GRAP: variants seen among roughly 807,000 people sequenced by gnomAD.
The protein encoded by GRAP is GRB2 related adaptor protein.
GRAP carries 2 observed loss-of-function variants against 9.1 expected under a neutral mutation model. The ratio of observed to expected loss-of-function variants is 0.22; its 90% CI spans 0.09 to 0.69. GRAP has a LOEUF of 0.69. Among genes scored for constraint, GRAP ranks in the 30% least tolerant of loss-of-function variants. GRAP has a pLI of 0.81. For missense variants in GRAP, 113 were observed against 179.4 expected, an observed-to-expected ratio of 0.63 and a Z score of 2.12; for synonymous variants, 68 against 73.6, an observed-to-expected ratio of 0.92 and a Z score of 0.39.
rs1389179921 is a variant in GRAP, at chr17:19,020,823, C to T, written c.*1136G>A. The T allele has an allele frequency of 4.9e-6, 1 of 204,318 alleles. No individual in the cohort carries two copies. Among genetic ancestry groups the T allele is most frequent in the African/African-American group, 2.3e-5 (1 of 43,470 alleles). 12.7% of individuals were successfully genotyped at this position (204,318 alleles called of 1,614,324 possible). A position where few individuals can be genotyped will look rare whatever the true frequency, so the allele number is the denominator to read the frequency against. ...AGAGCCCCACATGCCCAGAGCAAGGCCCCCCATTAAGGGACTGCAGCCACC... is the reference window on the plus strand; with the variant it reads ...AGAGCCCCACATGCCCAGAGCAAGGTCCCCCATTAAGGGACTGCAGCCACC... On this transcript the variant is annotated 3_prime_UTR_variant, in exon 5 of 5. Coordinates refer to ENST00000284154, the MANE Select transcript of GRAP (RefSeq NM_006613.4).
chr17:19,043,948 CTTTTTTCTTTTT>C (rs1418444585), intron 1 of GRAP, among the ~76,000 whole-genome samples: 1 of 144,522 alleles, frequency 6.9e-6, no homozygotes, highest in Non-Finnish European at 1.5e-5. Flanking sequence ...ATTTCTTTTT[CTTTTTTCTTTTT>C]TTTTTTCTTT....
At position 19,027,468 on chromosome 17, in the gene GRAP, ATGCGCGCGCGCG is replaced by A. The variant is rs1448875643; in HGVS notation, c.300-3097_300-3086del. On this transcript the variant is annotated intron_variant, in intron 3 of 4. Coordinates refer to ENST00000284154, the MANE Select transcript of GRAP (RefSeq NM_006613.4). ...AGCACTTGATGCCTTGATGGGACACATGCGCGCGCGCGCGCGCACACACACACACACACACAC... is the reference window on the plus strand; with the variant it reads ...AGCACTTGATGCCTTGATGGGACACACGCGCACACACACACACACACACAC... 2.8e-5 allele frequency among the ~76,000 whole-genome samples: 3 copies of A among 107,994 alleles called. 1 individual carries two copies. Among genetic ancestry groups the A allele is most frequent in the African/African-American group, 1.2e-4 (3 of 25,962 alleles). 70.8% of individuals were successfully genotyped at this position (107,994 alleles called of 152,430 possible). A position where few individuals can be genotyped will look rare whatever the true frequency, so the allele number is the denominator to read the frequency against.
At position 19,022,089 on chromosome 17, in the gene GRAP, G is replaced by C; in HGVS notation, c.524C>G (p.Ser175Trp). The change falls in exon 5 of 5, where the codon TCG becomes TGG. Residue 175 changes from serine (S) to tryptophan (W), a missense_variant. Ser to Trp is a radical substitution (Grantham distance 177, BLOSUM62 -3). Coordinates refer to ENST00000284154, the MANE Select transcript of GRAP (RefSeq NM_006613.4). ...AQFDFSAQDP[S>W]QLSFRRGDII... ...GTCGCCACGGCGGAAGCTGAGCTGC[G>C]AGGGGTCCTGGGCTGAGAAGTCAAA... The C allele has an allele frequency of 1.3e-6, 2 of 1,587,486 alleles. No homozygotes were observed. The highest frequency in any genetic ancestry group is 2.3e-5 in the South Asian group (2 of 86,798).
intron 4 of GRAP, among the ~76,000 whole-genome samples, chr17:19,023,658 C>T (rs528684420): frequency 0.017 from 2,355 of 134,918 alleles, 26 homozygotes; most frequent in Non-Finnish European, 0.025. Context: ...CCCCACCCCG[C>T]GGCTTGCCAG....
intron 3 of GRAP, chr17:19,031,628 TAAAA>T (rs1193075558): frequency 7.2e-6 from 1 of 138,904 alleles, no homozygotes; most frequent in African/African-American, 2.6e-5. Context: ...CCAGTCATCA[TAAAA>T]AACACGTTAC....
Position 19,020,688 on chromosome 17 carries a change from C to T in GRAP, c.*1271G>A, listed in dbSNP as rs1222259531. 1.9e-6 allele frequency: 1 copy of T among 534,352 alleles called. No homozygotes were observed. Among genetic ancestry groups the T allele is most frequent in the Admixed American group, 3.2e-5 (1 of 31,656 alleles). 33.1% of individuals were successfully genotyped at this position (534,352 alleles called of 1,614,324 possible). On this transcript the variant is annotated 3_prime_UTR_variant, in exon 5 of 5. Coordinates refer to ENST00000284154, the MANE Select transcript of GRAP (RefSeq NM_006613.4). ...GAAAATTAGATTTCTGACGGACATC[C>T]TGATGTTGGTTTTACTGTTTTCGTT...
Position 19,020,724 on chromosome 17 carries a change from A to C in GRAP, c.*1235T>G, listed in dbSNP as rs368323315. ...TTTACTGTTTTCGTTTTGAATACAC[A>C]GGCTGGGTCAGGAGCAGTGAGATTT... On this transcript the variant is annotated 3_prime_UTR_variant, in exon 5 of 5. Coordinates refer to ENST00000284154, the MANE Select transcript of GRAP (RefSeq NM_006613.4). 2 of 419,570 alleles carry C rather than the reference A, an allele frequency of 4.8e-6. No individual in the cohort carries two copies. The highest frequency in any genetic ancestry group is 4.7e-5 in the South Asian group (2 of 42,528). 26.0% of individuals were successfully genotyped at this position (419,570 alleles called of 1,614,324 possible). A position where few individuals can be genotyped will look rare whatever the true frequency, so the allele number is the denominator to read the frequency against.
intron 3 of GRAP, among the ~76,000 whole-genome samples, chr17:19,027,442 A>C (rs1183143408): frequency 6.9e-6 from 1 of 144,122 alleles, no homozygotes; most frequent in African/African-American, 2.5e-5. Flanking sequence ...CACCAGTCCA[A>C]AGCACTTGAT....
At chr17:19,040,882 T>C (rs1296551645) in intron 2 of GRAP, among the ~76,000 whole-genome samples, 1 of 100,726 alleles carries the variant, frequency 9.9e-6, no homozygotes, top group Non-Finnish European at 1.6e-5. Context: ...AAAATCTCAC[T>C]CATTGCCACC....
chr17:19,027,577 A>G (rs1423734353), intron 3 of GRAP, among the ~76,000 whole-genome samples: 5 of 136,836 alleles, frequency 3.7e-5, no homozygotes, highest in Admixed American at 7.5e-5. Context: ...ATTTGGTCGC[A>G]ATACATTTGC....
rs769570810 is a variant in GRAP, at chr17:19,022,003, C to G, written c.610G>C (p.Val204Leu). The G allele has an allele frequency of 6.3e-7, 1 of 1,591,430 alleles. No individual in the cohort carries two copies. Among genetic ancestry groups the G allele is most frequent in the East Asian group, 2.3e-5 (1 of 43,622 alleles). The change falls in exon 5 of 5, where the codon GTT (valine) becomes CTT (leucine). Residue 204 changes from valine (V) to leucine (L), a missense_variant. Physicochemically the swap from Val to Leu is conservative, Grantham distance 32. Coordinates refer to ENST00000284154, the MANE Select transcript of GRAP (RefSeq NM_006613.4). ...ACGTAACTCCGTGGGAAGAAGCCAA[C>G]GCGCCCGCAGGACCGGCCCCGCCAC... is the stretch of plus-strand genomic sequence containing the variant. The part of the protein sequence containing the change: ...HWWRGRSCGR[V>L]GFFPRSYVQP...
chr17:19,021,331 C>T lies in GRAP; in HGVS notation c.*628G>A, dbSNP rs111636163. On this transcript the variant is annotated 3_prime_UTR_variant, in exon 5 of 5. Coordinates refer to ENST00000284154, the MANE Select transcript of GRAP (RefSeq NM_006613.4). This position sits in a 1 kb window ranked among gnomAD's most constrained non-coding sequence, Gnocchi z 4.1. ...GTGTGCCTCCACCTTCCCTACTGCCCGCCCCTTTTTCAGGGTCTTAGGGCC... is the reference window on the plus strand; with the variant it reads ...GTGTGCCTCCACCTTCCCTACTGCCTGCCCCTTTTTCAGGGTCTTAGGGCC... 220 of 153,478 alleles carry T rather than the reference C, an allele frequency of 1.4e-3. No homozygotes were observed. Among genetic ancestry groups the T allele is most frequent in the Non-Finnish European group, 2.2e-3 (150 of 68,866 alleles). 9.5% of individuals were successfully genotyped at this position (153,478 alleles called of 1,614,324 possible).
At chr17:19,025,663 A>C (rs2044310042) in intron 3 of GRAP, among the ~76,000 whole-genome samples, 5 of 132,170 alleles carry the variant, frequency 3.8e-5, no homozygotes, top group African/African-American at 1.2e-4. Context: ...CCCAGGCTAG[A>C]GTGCAATGGC....
chr17:19,027,469 T>TGCGC lies in GRAP; in HGVS notation c.300-3090_300-3087dup, dbSNP rs756824381. ...GCACTTGATGCCTTGATGGGACACA[T>TGCGC]GCGCGCGCGCGCGCGCACACACACA... On this transcript the variant is annotated intron_variant, in intron 3 of 4. Coordinates refer to ENST00000284154, the MANE Select transcript of GRAP (RefSeq NM_006613.4). 1.2e-3 allele frequency among the ~76,000 whole-genome samples: 147 copies of TGCGC among 125,778 alleles called. 1 individual carries two copies. The highest frequency in any genetic ancestry group is 7.2e-3 in the Admixed American group (84 of 11,676). The allele number at this position is 125,778 out of a possible 152,430, so 82.5% of individuals were successfully genotyped here.
At chr17:19,025,621 T>C (rs370056643) in intron 3 of GRAP, among the ~76,000 whole-genome samples, 1 of 139,674 alleles carries the variant, frequency 7.2e-6, no homozygotes, top group African/African-American at 2.7e-5. Flanking sequence ...TTTCTTTTTT[T>C]TTTTTTTTTG....
At chr17:19,023,684 C>A (rs907157809) in intron 4 of GRAP, among the ~76,000 whole-genome samples, 2 of 140,014 alleles carry the variant, frequency 1.4e-5, no homozygotes, top group Non-Finnish European at 3.1e-5. Context: ...CGCCCACCAG[C>A]ACTCATGCTG....
rs1035364717 is a variant in GRAP at position 19,024,933 on chromosome 17, C to T, written c.300-550G>A. ...GAGCTCAGACCTGTTGAATGTCTCA[C>T]GTCCTCCCCCTCCCATGAACCTTCC... is the stretch of plus-strand genomic sequence containing the variant. On this transcript the variant is annotated intron_variant, in intron 3 of 4. Transcript: ENST00000284154. The surrounding 1 kb of genome is among the most constrained non-coding windows in gnomAD (Gnocchi z 4.2). Among the ~76,000 whole-genome samples, 14 of 152,270 alleles carry T rather than the reference C, an allele frequency of 9.2e-5. No homozygotes were observed. Among genetic ancestry groups the T allele is most frequent in the African/African-American group, 3.1e-4 (13 of 41,556 alleles).
In GRAP at chr17:19,021,226, C is replaced by T. The variant is rs2044260824; in HGVS notation, c.*733G>A. ...TGGGCAGAACCTGGGCCTAAACAAA[C>T]AAGAGCCAGGGCAGCCAGGGTCTCT... On this transcript the variant is annotated 3_prime_UTR_variant, in exon 5 of 5. Coordinates refer to ENST00000284154, the MANE Select transcript of GRAP (RefSeq NM_006613.4). The surrounding 1 kb of genome is among the most constrained non-coding windows in gnomAD (Gnocchi z 4.1). 1 of 152,308 alleles carries T rather than the reference C, an allele frequency of 6.6e-6. No homozygotes were observed. Among genetic ancestry groups the T allele is most frequent in the Admixed American group, 6.5e-5 (1 of 15,290 alleles). The allele number at this position is 152,308 out of a possible 1,614,324, so 9.4% of individuals were successfully genotyped here. A position where few individuals can be genotyped will look rare whatever the true frequency, so the allele number is the denominator to read the frequency against.
chr17:19,023,630 G>A (rs2074277), intron 4 of GRAP, among the ~76,000 whole-genome samples: 6,247 of 79,456 alleles, frequency 0.079, 448 homozygotes, highest in South Asian at 0.36. Context: ...GGATGACCCC[G>A]ACCCCCCACC....
Sources: allele counts gnomAD v4.1 joint callset (sites outside exome capture counted in the v4.1 genomes callset), GRCh38; gene constraint gnomAD v4.1.1; non-coding constraint Gnocchi (gnomAD v3.1); transcripts MANE v1.5; gene names NCBI Gene and HGNC (gene_info 2026-07-23, HGNC 2026-07-21).